Variants in FOXP1 observed in about 807,000 individuals in gnomAD.
The protein encoded by FOXP1 is forkhead box protein P1.
In FOXP1, 15 loss-of-function variants were observed where a neutral mutation model predicts 98.2. That is an observed-to-expected ratio of 0.15 (90% CI 0.10 to 0.24). The LOEUF is 0.24. Among genes scored for constraint, FOXP1 ranks in the 10% least tolerant of loss-of-function variants. FOXP1 has a pLI of 1.00. For synonymous variants in FOXP1, 371 were observed against 314.5 expected, an observed-to-expected ratio of 1.18 and a Z score of -1.90; for missense variants, 633 against 848.5, an observed-to-expected ratio of 0.75 and a Z score of 3.15.
chr3:71,124,189 T>G (rs1034499568), intron 6 of FOXP1, among the ~76,000 whole-genome samples: 5 of 151,996 alleles, frequency 3.3e-5, no homozygotes, highest in African/African-American at 1.2e-4. Flanking sequence ...ATTATCTAGT[T>G]TTTCACAAAT....
chr3:70,997,407 T>C (rs1324367921), intron 13 of FOXP1, among the ~76,000 whole-genome samples: 2 of 152,140 alleles, frequency 1.3e-5, no homozygotes, highest in African/African-American at 4.8e-5. Flanking sequence ...AAAGAATAGA[T>C]TCGAGTATAA....
At chr3:71,208,617 A>G (rs991574307) in intron 5 of FOXP1, among the ~76,000 whole-genome samples, 1 of 151,874 alleles carries the variant, frequency 6.6e-6, no homozygotes, top group Non-Finnish European at 1.5e-5. Flanking sequence ...AAACAAAGCA[A>G]TATCTGTTTA....
At chr3:71,233,729 T>C (rs1425323331) in intron 5 of FOXP1, among the ~76,000 whole-genome samples, 1 of 151,982 alleles carries the variant, frequency 6.6e-6, no homozygotes, top group Non-Finnish European at 1.5e-5. Flanking sequence ...TTGTATTCTC[T>C]GATTCCTGGG....
At chr3:70,994,424 T>C (rs1313440177) in intron 13 of FOXP1, among the ~76,000 whole-genome samples, 1 of 152,180 alleles carries the variant, frequency 6.6e-6, no homozygotes, top group African/African-American at 2.4e-5. Context: ...ATCCTTCCAC[T>C]ATCCTTTCTT....
At chr3:71,187,610 C>G (rs987528613) in intron 6 of FOXP1, among the ~76,000 whole-genome samples, 1 of 152,018 alleles carries the variant, frequency 6.6e-6, no homozygotes, top group African/African-American at 2.4e-5. Flanking sequence ...ACTAATGATA[C>G]AGTAAGTCTA....
intron 4 of FOXP1, among the ~76,000 whole-genome samples, chr3:71,325,857 T>C (rs1484567931): frequency 6.6e-6 from 1 of 152,104 alleles, no homozygotes; most frequent in Non-Finnish European, 1.5e-5. Flanking sequence ...AAAATGGCAT[T>C]ATTTTGTATG....
intron 7 of FOXP1, among the ~76,000 whole-genome samples, chr3:71,074,956 C>T (rs1423459393): frequency 2.0e-5 from 3 of 152,206 alleles, no homozygotes; most frequent in Admixed American, 1.3e-4. Context: ...AGACAGACAC[C>T]GATGATCTTC....
intron 3 of FOXP1, among the ~76,000 whole-genome samples, chr3:71,468,589 C>T (rs1174991742): frequency 1.3e-5 from 2 of 152,182 alleles, no homozygotes; most frequent in African/African-American, 4.8e-5. Context: ...GGCTTCTCCT[C>T]TATATGTTAA....
At chr3:71,534,148 G>A (rs987252742) in intron 2 of FOXP1, among the ~76,000 whole-genome samples, 1 of 152,206 alleles carries the variant, frequency 6.6e-6, no homozygotes, top group African/African-American at 2.4e-5. Flanking sequence ...CGGATGACCT[G>A]AGGTCAGGAG....
At chr3:71,515,860 T>C (rs1271160855) in intron 2 of FOXP1, among the ~76,000 whole-genome samples, 2 of 152,156 alleles carry the variant, frequency 1.3e-5, no homozygotes, top group Non-Finnish European at 2.9e-5. Context: ...AACGTCATCT[T>C]TTTAAGGAAG....
intron 2 of FOXP1, among the ~76,000 whole-genome samples, chr3:71,532,262 A>G (rs956844114): frequency 6.6e-6 from 1 of 151,916 alleles, no homozygotes; most frequent in East Asian, 1.9e-4. Flanking sequence ...ACCACACCCA[A>G]ATTTTTGTAT....
At chr3:71,302,296 C>T (rs1215414710) in intron 4 of FOXP1, among the ~76,000 whole-genome samples, 1 of 152,122 alleles carries the variant, frequency 6.6e-6, no homozygotes, top group African/African-American at 2.4e-5. Flanking sequence ...GGGCCCGAGT[C>T]TGCCTCATTA....
intron 4 of FOXP1, among the ~76,000 whole-genome samples, chr3:71,338,003 C>G (rs1442887647): frequency 6.6e-6 from 1 of 152,204 alleles, no homozygotes; most frequent in Non-Finnish European, 1.5e-5. Flanking sequence ...TACCTCTGTA[C>G]TGCTGCTGAG....
intron 3 of FOXP1, among the ~76,000 whole-genome samples, chr3:71,446,019 A>G (rs2086383662): frequency 6.6e-6 from 1 of 151,346 alleles, no homozygotes; most frequent in African/African-American, 2.4e-5. Context: ...ACAAGTATCT[A>G]TTGAAAACAA....
At chr3:71,256,006 T>C (rs918524289) in intron 5 of FOXP1, among the ~76,000 whole-genome samples, 11 of 152,340 alleles carry the variant, frequency 7.2e-5, no homozygotes, top group African/African-American at 2.4e-4. Flanking sequence ...TATTATTTGA[T>C]GATGAGTTTT....
chr3:71,233,328 T>G lies in FOXP1; in HGVS notation c.-11-34936A>C, dbSNP rs191648439. ...TATCAAGAAAGGTCTATGGTCCAACTCATAAAAAACTGAGGGAGCAGGAGC... is the reference window on the plus strand; with the variant it reads ...TATCAAGAAAGGTCTATGGTCCAACGCATAAAAAACTGAGGGAGCAGGAGC... On this transcript the variant is annotated intron_variant, in intron 5 of 20. Coordinates refer to ENST00000649528, the MANE Select transcript of FOXP1 (RefSeq NM_001349338.3). Among the ~76,000 whole-genome samples, 345 of 152,120 alleles carry G rather than the reference T, an allele frequency of 2.3e-3. 3 individuals are homozygous for G. Among genetic ancestry groups the G allele is most frequent in the Non-Finnish European group, 2.3e-3 (155 of 67,988 alleles).
intron 6 of FOXP1, among the ~76,000 whole-genome samples, chr3:71,151,609 G>C (rs188724701): frequency 6.6e-6 from 1 of 151,164 alleles, no homozygotes; most frequent in Admixed American, 6.6e-5. Context: ...GTGAAGTCCA[G>C]TAGTTTGGCA....
At chr3:71,052,399 T>A in intron 9 of FOXP1, 138 bp downstream of exon 9, 1 of 711,960 alleles carries the variant, frequency 1.4e-6, no homozygotes, top group South Asian at 1.5e-5. Flanking sequence ...AACAGGACAA[T>A]AATTCTCAGT....
intron 3 of FOXP1, among the ~76,000 whole-genome samples, chr3:71,477,988 AGGAATAACCTTAC>A (rs2089986652): frequency 6.6e-6 from 1 of 152,236 alleles, no homozygotes; most frequent in African/African-American, 2.4e-5. Flanking sequence ...TAACAGAAAC[AGGAATAACCTTAC>A]CATGCCAGAA....
Sources: gnomAD v4.1 joint callset for allele counts (sites outside exome capture counted in the v4.1 genomes callset) on GRCh38, gnomAD v4.1.1 for gene constraint, MANE v1.5 for transcripts, NCBI Gene and HGNC (gene_info 2026-07-23, HGNC 2026-07-21) for gene names.